The following APPL2 variants were observed in gnomAD, a reference collection of about 807,000 sequenced individuals.
The protein encoded by APPL2 is adaptor protein, phosphotyrosine interacting with PH domain and leucine zipper 2, also known as DCC-interacting protein 13-beta.
APPL2 carries 84 observed loss-of-function variants against 92.7 expected under a neutral mutation model. The ratio of observed to expected loss-of-function variants is 0.91; its 90% CI spans 0.76 to 1.09. APPL2 has a LOEUF of 1.09. Ranked by LOEUF, APPL2 falls within the 50% of genes least tolerant of loss-of-function variation. APPL2 has a pLI of 0.00. For synonymous variants in APPL2, 291 were observed against 291.0 expected (o/e 1.00, Z 0.00); for missense variants, 736 against 824.5 (o/e 0.89, Z 1.31).
At chr12:105,195,704 T>C (rs1592780967) in intron 11 of APPL2, 77 bp from the exon 12 acceptor site, 3 of 1,528,914 alleles carry the variant, frequency 2.0e-6, no homozygotes, top group Non-Finnish European at 2.7e-6. Flanking sequence ...AAACTGAACT[T>C]AGCTGGGGTG....
At chr12:105,192,809 G>C (rs941311630) in intron 14 of APPL2, among the ~76,000 whole-genome samples, 2 of 152,040 alleles carry the variant, frequency 1.3e-5, no homozygotes, top group Non-Finnish European at 2.9e-5. Context: ...GCCAGGCCTG[G>C]GCAAATAGTA....
In APPL2 at chr12:105,197,616, G is replaced by A. The variant is rs1038537827; in HGVS notation, c.1052+149C>T. Reference sequence around the variant, plus strand: ...GGTCATGCGGGCTTGTTTAAAGAGAGCAGAAAATCATCCTCCTGAAAGGTC... The same window carrying A: ...GGTCATGCGGGCTTGTTTAAAGAGAACAGAAAATCATCCTCCTGAAAGGTC... On this transcript the variant is annotated intron_variant, in intron 11 of 20. Coordinates refer to ENST00000258530, the MANE Select transcript of APPL2 (RefSeq NM_018171.5). The A allele has an allele frequency of 5.3e-6, 5 of 948,762 alleles. No individual in the cohort carries two copies. The East Asian group carries it at 1.3e-4, about 25-fold the overall frequency. The allele number at this position is 948,762 out of a possible 1,614,324, so 58.8% of individuals were successfully genotyped here.
chr12:105,179,816 C>G (rs555970393), intron 17 of APPL2, among the ~76,000 whole-genome samples: 2 of 151,978 alleles, frequency 1.3e-5, no homozygotes, highest in Non-Finnish European at 1.5e-5. Context: ...CACTTTTTGA[C>G]GGGGTTGTTT....
intron 17 of APPL2, among the ~76,000 whole-genome samples, chr12:105,186,644 T>TGATATA (rs1330621222): frequency 3.2e-5 from 2 of 62,422 alleles, no homozygotes; most frequent in Non-Finnish European, 4.2e-5. Context: ...ATCATATATA[T>TGATATA]GATATCGATA....
chr12:105,222,050 C>T (rs1380911389), intron 2 of APPL2, among the ~76,000 whole-genome samples: 3 of 152,274 alleles, frequency 2.0e-5, no homozygotes, highest in East Asian at 3.9e-4. Context: ...CATTCAGTAC[C>T]CAGTGTTTAT....
Position 105,196,425 on chromosome 12 carries a change from CTTTTTTTTTTTTT to C in APPL2, c.1053-811_1053-799del, listed in dbSNP as rs59820038. Reference sequence around the variant, plus strand: ...CCCTACCTTTGTGGAGGCGTTAACTCTTTTTTTTTTTTTTTTTTTTTTTTTTTTGATGGAGTTT... The same window carrying C: ...CCCTACCTTTGTGGAGGCGTTAACTCTTTTTTTTTTTTTTTGATGGAGTTT... On this transcript the variant is annotated intron_variant, in intron 11 of 20. Coordinates refer to ENST00000258530, the MANE Select transcript of APPL2 (RefSeq NM_018171.5). 2.6e-3 allele frequency among the ~76,000 whole-genome samples: 216 copies of C among 83,866 alleles called. 3 individuals carry two copies. Among genetic ancestry groups the C allele is most frequent in the South Asian group, 4.9e-3 (9 of 1,832 alleles). The allele number at this position is 83,866 out of a possible 152,430, so 55.0% of individuals were successfully genotyped here. A position where few individuals can be genotyped will look rare whatever the true frequency, so the allele number is the denominator to read the frequency against.
At chr12:105,181,623 T>C (rs1245692958) in intron 17 of APPL2, among the ~76,000 whole-genome samples, 1 of 152,176 alleles carries the variant, frequency 6.6e-6, no homozygotes, top group Non-Finnish European at 1.5e-5. Context: ...CTATTAATTA[T>C]TGCCTCAATT....
intron 14 of APPL2, among the ~76,000 whole-genome samples, chr12:105,191,389 G>A (rs1887178845): frequency 6.6e-6 from 1 of 152,174 alleles, no homozygotes. Flanking sequence ...CCCTAAATGG[G>A]ACAGTCACAT....
intron 14 of APPL2, 85 bp downstream of exon 14, chr12:105,195,176 G>T: frequency 7.4e-7 from 1 of 1,354,484 alleles, no homozygotes; most frequent in Non-Finnish European, 1.0e-6. Flanking sequence ...GCCTTGGTTT[G>T]TGTGGATTAA....
At chr12:105,234,766 T>C (rs1214709690) in intron 1 of APPL2, among the ~76,000 whole-genome samples, 1 of 137,594 alleles carries the variant, frequency 7.3e-6, no homozygotes, top group Non-Finnish European at 1.5e-5. Flanking sequence ...CTGATTAAAA[T>C]GCCAGGAGTC....
intron 14 of APPL2, among the ~76,000 whole-genome samples, chr12:105,192,358 T>C (rs1887278890): frequency 6.6e-6 from 1 of 152,144 alleles, no homozygotes; most frequent in Non-Finnish European, 1.5e-5. Flanking sequence ...TAACTAACTT[T>C]GGAAAATGGA....
chr12:105,185,337 T>C (rs1886505837), intron 17 of APPL2, among the ~76,000 whole-genome samples: 1 of 152,234 alleles, frequency 6.6e-6, no homozygotes, highest in Admixed American at 6.5e-5. Flanking sequence ...GCTCAGTGTC[T>C]GCCCAAATGG....
At chr12:105,203,590 CAG>C in intron 9 of APPL2, 111 bp downstream of exon 9, 1 of 922,270 alleles carries the variant, frequency 1.1e-6, no homozygotes, top group Non-Finnish European at 1.7e-6. Flanking sequence ...CTGGGGTGGA[CAG>C]AGGCTCTGTG....
intron 9 of APPL2, among the ~76,000 whole-genome samples, chr12:105,201,624 C>T (rs935229252): frequency 6.6e-6 from 1 of 151,348 alleles, no homozygotes; most frequent in East Asian, 1.9e-4. Flanking sequence ...GGGAGCTCAT[C>T]CAAGGTTCCC....
intron 4 of APPL2, 88 bp downstream of exon 4, chr12:105,216,981 A>G: frequency 1.1e-6 from 1 of 925,554 alleles, no homozygotes; most frequent in Admixed American, 2.4e-5. Context: ...ATTTAAGTAG[A>G]AATTTAAAAA....
Position 105,229,199 on chromosome 12 carries a change from C to T in APPL2, c.79G>A (p.Glu27Lys), listed in dbSNP as rs374010500. The change falls in exon 2 of 21, where the codon GAA (glutamate) becomes AAA (lysine). Residue 27 changes from glutamate to lysine, a missense_variant. Transcript: ENST00000258530. ...TCTGTGAGGGTGCCAGCATCTTCTT[C>T]AAACACGCTCAGTAAAGAGCGAGTC... Reference protein sequence around the residue: ...PQTRSLLSVFEEDAGTLTDYT... With the variant: ...PQTRSLLSVFKEDAGTLTDYT... 2.5e-6 allele frequency: 4 copies of T among 1,613,644 alleles called. No individual in the cohort carries two copies. The highest frequency in any genetic ancestry group is 1.3e-5 in the African/African-American group (1 of 74,870).
In APPL2 at chr12:105,217,060, C is replaced by T. The variant is rs1296097250; in HGVS notation, c.285+9G>A. On this transcript the variant is annotated intron_variant, in intron 4 of 20. Transcript: ENST00000258530. ...AATCAAATACAAATTTTCTATGTTG[C>T]TATCTTACCTCATCCACCACTTTGG... 1.3e-6 allele frequency: 2 copies of T among 1,581,264 alleles called. No homozygotes were observed. Among genetic ancestry groups the T allele is most frequent in the South Asian group, 2.3e-5 (2 of 87,164 alleles).
rs1886665166 is a variant in APPL2 at position 105,186,636 on chromosome 12, C to CATATATATG, written c.1634+1628_1634+1636dup. On this transcript the variant is annotated intron_variant, in intron 17 of 20. Coordinates refer to ENST00000258530, the MANE Select transcript of APPL2 (RefSeq NM_018171.5). Reference sequence around the variant, plus strand: ...TATATCATATATATATCATATATATCATATATATGATATCGATATCATATA... The same window carrying CATATATATG: ...TATATCATATATATATCATATATATCATATATATGATATATATGATATCGATATCATATA... Among the ~76,000 whole-genome samples, 7 of 88,650 alleles carry CATATATATG rather than the reference C, an allele frequency of 7.9e-5. No individual in the cohort carries two copies. In the Admixed American group the frequency reaches 7.9e-4, roughly 10 times the overall value. 58.2% of individuals were successfully genotyped at this position (88,650 alleles called of 152,430 possible).
chr12:105,224,503 G>C (rs1201554787), intron 2 of APPL2, among the ~76,000 whole-genome samples: 1 of 152,236 alleles, frequency 6.6e-6, no homozygotes, highest in African/African-American at 2.4e-5. Context: ...TAGTGGTTAA[G>C]AGCGAACGCA....
Sources: allele counts gnomAD v4.1 joint callset (sites outside exome capture counted in the v4.1 genomes callset), GRCh38; gene constraint gnomAD v4.1.1; transcripts MANE v1.5; gene names NCBI Gene and HGNC (gene_info 2026-07-23, HGNC 2026-07-21).